HERC2: variants seen among roughly 807,000 people sequenced by gnomAD.
HERC2 encodes HECT and RLD domain containing E3 ubiquitin protein ligase 2.
Under a neutral mutation model 537.7 loss-of-function variants are expected in HERC2, and 102 were observed. That is an observed-to-expected ratio of 0.19 (90% confidence interval 0.16 to 0.22). The LOEUF is 0.22. Among genes scored for constraint, HERC2 ranks in the 10% least tolerant of loss-of-function variants. The probability of loss-of-function intolerance (pLI) is 1.00; values close to 1 mark genes in which losing one functional copy is unlikely to be tolerated. For synonymous variants in HERC2, 2,224 were observed against 2,466.2 expected, an observed-to-expected ratio of 0.90 and a Z score of 2.91; for missense variants, 4,236 against 6,198.2, an observed-to-expected ratio of 0.68 and a Z score of 10.63.
chr15:28,313,209 T>TC (rs1472230702), intron 2 of HERC2, among the ~76,000 whole-genome samples: 48 of 143,238 alleles, frequency 3.4e-4, no homozygotes, highest in African/African-American at 1.2e-3. Flanking sequence ...TTTTTTTTTT[T>TC]TTGAGACAGA....
At chr15:28,127,125 G>A (rs946936616) in intron 83 of HERC2, among the ~76,000 whole-genome samples, 2 of 152,222 alleles carry the variant, frequency 1.3e-5, no homozygotes, top group African/African-American at 2.4e-5. Context: ...TGACGCCTGC[G>A]TGGTCAAGGG....
At position 28,121,882 on chromosome 15, in the gene HERC2, G is replaced by A. The variant is rs916817328; in HGVS notation, c.13189-453C>T. ...GCCAGGGAGCACCGCGGAGCCAGCC[G>A]GACCTTGGATCGCCACTGCCTGCCA... is the stretch of plus-strand genomic sequence containing the variant. On this transcript the variant is annotated intron_variant, in intron 85 of 92. Transcript: ENST00000261609. Among the ~76,000 whole-genome samples the A allele has an allele frequency of 3.9e-4, 57 of 147,956 alleles. 1 individual carries two copies. The highest frequency in any genetic ancestry group is 6.7e-5 in the Admixed American group (1 of 14,872).
chr15:28,145,910 C>T (rs1416524622), intron 71 of HERC2, among the ~76,000 whole-genome samples: 3 of 152,170 alleles, frequency 2.0e-5, no homozygotes, highest in Admixed American at 6.5e-5. Context: ...AAGAAACAAA[C>T]CTTTTGAAGA....
chr15:28,117,823 C>T (rs1888447471), intron 86 of HERC2: 2 of 342,512 alleles, frequency 5.8e-6, no homozygotes, highest in Non-Finnish European at 1.2e-5. Context: ...CCAAAGACAC[C>T]AGGGCAGGAG....
In HERC2 at chr15:28,132,733, C is replaced by T. The variant is rs753700021; in HGVS notation, c.12328G>A (p.Gly4110Arg). ...CCTTTGCCCCATGTGTAGAGGTCCC[C>T]GGCTGCTGTGACACAGGCGCTGTGG... ...GAHSACVTAA[G>R]DLYTWGKGRY... The change falls in exon 80 of 93, where the codon GGG (glycine) becomes AGG (arginine). Residue 4110 changes from glycine (G) to arginine (R), a missense_variant. Coordinates refer to ENST00000261609, the MANE Select transcript of HERC2 (RefSeq NM_004667.6). 10 of 1,608,250 alleles carry T rather than the reference C, an allele frequency of 6.2e-6. No individual in the cohort carries two copies. Among genetic ancestry groups the T allele is most frequent in the Middle Eastern group, 1.6e-4 (1 of 6,068 alleles).
rs891044366 is a variant in HERC2, at chr15:28,248,476, G to C, written c.3235+76C>G. 7 of 1,101,202 alleles carry C rather than the reference G, an allele frequency of 6.4e-6. No homozygotes were observed. In the African/African-American group the frequency reaches 7.8e-5, roughly 12 times the overall value. The allele number at this position is 1,101,202 out of a possible 1,614,324, so 68.2% of individuals were successfully genotyped here. ...TAACAACTACACATCTGGGCATATAGGATGGACACGTCGAAAAGCCTAAAG... is the reference window on the plus strand; with the variant it reads ...TAACAACTACACATCTGGGCATATACGATGGACACGTCGAAAAGCCTAAAG... On this transcript the variant is annotated intron_variant, in intron 21 of 92. Coordinates refer to ENST00000261609, the MANE Select transcript of HERC2 (RefSeq NM_004667.6).
At chr15:28,136,984 TGCAAC>T (rs1890709244) in intron 78 of HERC2, among the ~76,000 whole-genome samples, 1 of 151,876 alleles carries the variant, frequency 6.6e-6, no homozygotes, top group Admixed American at 6.6e-5. Flanking sequence ...AGCAAAGATG[TGCAAC>T]ATTTAGCTAA....
At chr15:28,195,049 C>G (rs1897220509) in intron 52 of HERC2, among the ~76,000 whole-genome samples, 2 of 149,752 alleles carry the variant, frequency 1.3e-5, no homozygotes, top group Admixed American at 1.3e-4. Context: ...GAGTGAGACT[C>G]CGTCTCAAAA....
At chr15:28,135,100 G>A (rs1370593986) in intron 79 of HERC2, among the ~76,000 whole-genome samples, 2 of 152,002 alleles carry the variant, frequency 1.3e-5, no homozygotes, top group African/African-American at 4.8e-5. Context: ...TTTACAAATG[G>A]TGTCAATTGT....
chr15:28,125,272 C>T, intron 83 of HERC2, 79 bp from the exon 84 acceptor site: 1 of 1,176,628 alleles, frequency 8.5e-7, no homozygotes, highest in Non-Finnish European at 1.3e-6. Flanking sequence ...TCCCACCACA[C>T]ACAGCACCAA....
chr15:28,168,574 C>A lies in HERC2; in HGVS notation c.10246G>T (p.Ala3416Ser), dbSNP rs1185852234. The A allele has an allele frequency of 1.9e-6, 3 of 1,613,646 alleles. No individual in the cohort carries two copies. Among genetic ancestry groups the A allele is most frequent in the Non-Finnish European group, 2.5e-6 (3 of 1,179,832 alleles). The change falls in exon 67 of 93, where the codon GCC becomes TCC. Residue 3416 changes from alanine (A) to serine (S), a missense_variant. Ala to Ser is a moderately conservative substitution (Grantham distance 99). Around this residue, in one of 27 missense-constraint regions of HERC2, gnomAD observed 356 missense variants for 450.9 expected, o/e 0.79. Transcript: ENST00000261609. Reference sequence around the variant, plus strand: ...GCGATCATGGCGGCCGGCATCAGGGCCCCGACAACAGCATCTCTGTCAGGA... The same window carrying A: ...GCGATCATGGCGGCCGGCATCAGGGACCCGACAACAGCATCTCTGTCAGGA... ...IMYARDAVVG[A>S]LMPAAMIAPV...
chr15:28,124,259 C>A (rs774795223), intron 84 of HERC2, 25 bp from the exon 85 acceptor site: 16 of 1,420,942 alleles, frequency 1.1e-5, no homozygotes, highest in Non-Finnish European at 1.5e-5. Context: ...TGGCCTTCAG[C>A]CCCTCAGGCA....
intron 70 of HERC2, among the ~76,000 whole-genome samples, chr15:28,146,796 C>T (rs1482355499): frequency 1.4e-5 from 2 of 144,256 alleles, no homozygotes; most frequent in African/African-American, 2.7e-5. Context: ...GTGGAGAACC[C>T]GCACATCTGG....
intron 48 of HERC2, 147 bp from the exon 49 acceptor site, chr15:28,198,916 G>C: frequency 1.4e-6 from 1 of 723,296 alleles, no homozygotes; most frequent in African/African-American, 1.8e-5. Flanking sequence ...GGGAGGCTGA[G>C]GTGGGAGGAT....
chr15:28,121,212 G>C (rs1888847251), intron 86 of HERC2, 134 bp downstream of exon 86: 1 of 703,650 alleles, frequency 1.4e-6, no homozygotes, highest in Non-Finnish European at 2.5e-6. Context: ...CCCACAAAAA[G>C]GAAGGTGGCA....
At chr15:28,266,066 A>G in intron 12 of HERC2, 92 bp from the exon 13 acceptor site, 1 of 1,390,632 alleles carries the variant, frequency 7.2e-7, no homozygotes, top group Non-Finnish European at 9.9e-7. Flanking sequence ...CCAAATTTAG[A>G]CCAGCATAGC....
chr15:28,152,536 G>C (rs1404601746), intron 70 of HERC2, 141 bp downstream of exon 70: 12 of 721,960 alleles, frequency 1.7e-5, no homozygotes, highest in Middle Eastern at 8.1e-4. Context: ...TGTTAGAAAA[G>C]GGGAGAAAAG....
intron 3 of HERC2, among the ~76,000 whole-genome samples, chr15:28,295,709 T>C (rs1211162216): frequency 3.3e-5 from 5 of 152,212 alleles, no homozygotes; most frequent in Non-Finnish European, 5.9e-5. Context: ...CCGTATTTTA[T>C]AGTTTTTAAT....
rs1891245032 is a variant in HERC2, at chr15:28,141,719, T to G, written c.11816+12A>C. On this transcript the variant is annotated intron_variant, in intron 77 of 92. Coordinates refer to ENST00000261609, the MANE Select transcript of HERC2 (RefSeq NM_004667.6). ...CACGATCGACATTACTGCTTGTTTCTAATATAATAACCTGTTCATCCACTG... is the reference window on the plus strand; with the variant it reads ...CACGATCGACATTACTGCTTGTTTCGAATATAATAACCTGTTCATCCACTG... 6.2e-7 allele frequency: 1 copy of G among 1,612,396 alleles called. No individual in the cohort carries two copies.
Sources: allele counts gnomAD v4.1 joint callset (sites outside exome capture counted in the v4.1 genomes callset), GRCh38; gene constraint gnomAD v4.1.1; regional missense constraint gnomAD v4.1.1; transcripts MANE v1.5; gene names NCBI Gene and HGNC (gene_info 2026-07-23, HGNC 2026-07-21).